Variants in NRG3 observed in about 807,000 individuals in gnomAD.
NRG3 encodes neuregulin 3, also known as pro-neuregulin-3, membrane-bound isoform.
NRG3 carries 31 observed loss-of-function variants against 66.9 expected under a neutral mutation model. The ratio of observed to expected loss-of-function variants is 0.46; its 90% CI spans 0.35 to 0.63. NRG3 has a LOEUF of 0.63. Among genes scored for constraint, NRG3 ranks in the 20% least tolerant of loss-of-function variants. The pLI, the probability that NRG3 is intolerant of heterozygous loss-of-function variation, is 0.00. For synonymous variants in NRG3, 393 were observed against 359.4 expected (o/e 1.09, Z -1.06); for missense variants, 910 against 878.9 (o/e 1.04, Z -0.45).
intron 2 of NRG3, among the ~76,000 whole-genome samples, chr10:82,519,972 G>T (rs1846040336): frequency 6.6e-6 from 1 of 151,996 alleles, no homozygotes; most frequent in Non-Finnish European, 1.5e-5. Flanking sequence ...CAGAAATTTT[G>T]GAAGAAAAAT....
chr10:82,588,347 C>T (rs2086480), intron 2 of NRG3, among the ~76,000 whole-genome samples: 39 of 152,214 alleles, frequency 2.6e-4, no homozygotes, highest in Admixed American at 1.3e-3. Context: ...TGGCACCTTA[C>T]GCCTCCTGCC....
chr10:82,631,964 T>C (rs2049873998), intron 2 of NRG3, among the ~76,000 whole-genome samples: 1 of 151,918 alleles, frequency 6.6e-6, no homozygotes, highest in African/African-American at 2.4e-5. Flanking sequence ...TAGCTGAGTG[T>C]GGTGCCAGGT....
At chr10:82,361,255 C>T (rs1474425869) in intron 2 of NRG3, among the ~76,000 whole-genome samples, 2 of 152,098 alleles carry the variant, frequency 1.3e-5, no homozygotes, top group African/African-American at 4.8e-5. Flanking sequence ...CTTCATATTT[C>T]TTGCATATTT....
intron 2 of NRG3, among the ~76,000 whole-genome samples, chr10:82,549,704 A>T (rs1016970578): frequency 6.6e-6 from 1 of 152,106 alleles, no homozygotes; most frequent in Non-Finnish European, 1.5e-5. Context: ...CCCGGAGGGG[A>T]TTCCTCATGC....
Position 82,779,020 on chromosome 10 carries a change from G to C in NRG3, c.1027+40370G>C, listed in dbSNP as rs564481573. On this transcript the variant is annotated intron_variant, in intron 3 of 8. Coordinates refer to ENST00000372141, the MANE Select transcript of NRG3 (RefSeq NM_001010848.4). ...GTGGTGTAATGGTAGTAGAGTCTCA[G>C]GGATGAAAGAATGCAGTGGCTACTT... 5.9e-5 allele frequency among the ~76,000 whole-genome samples: 9 copies of C among 152,226 alleles called. No homozygotes were observed. In the South Asian group the frequency reaches 1.7e-3, roughly 28 times the overall value.
chr10:82,693,740 G>GT (rs2055135454), intron 2 of NRG3, among the ~76,000 whole-genome samples: 1 of 152,120 alleles, frequency 6.6e-6, no homozygotes, highest in African/African-American at 2.4e-5. Context: ...GTTCCTTCTG[G>GT]TGGGTTCACT....
At chr10:82,730,812 A>T (rs2057862895) in intron 2 of NRG3, among the ~76,000 whole-genome samples, 1 of 152,152 alleles carries the variant, frequency 6.6e-6, no homozygotes, top group Non-Finnish European at 1.5e-5. Context: ...TGGCTGGGGA[A>T]AGGAATGCGT....
chr10:81,919,882 C>T (rs930846738), intron 1 of NRG3, among the ~76,000 whole-genome samples: 3 of 152,208 alleles, frequency 2.0e-5, no homozygotes, highest in Admixed American at 1.3e-4. Flanking sequence ...GGAAACCTGC[C>T]GTCAATTGTG....
intron 8 of NRG3, among the ~76,000 whole-genome samples, chr10:82,979,360 G>A (rs1852612036): frequency 6.6e-6 from 1 of 152,140 alleles, no homozygotes; most frequent in African/African-American, 2.4e-5. Context: ...AGTAAGTGTA[G>A]CTCTCTAGGC....
chr10:82,363,623 T>C (rs964203438), intron 2 of NRG3, among the ~76,000 whole-genome samples: 1 of 151,974 alleles, frequency 6.6e-6, no homozygotes, highest in Non-Finnish European at 1.5e-5. Flanking sequence ...ACCTGGCTGA[T>C]TTTTTGTAGT....
rs1225599216 is a variant in NRG3 at position 82,631,609 on chromosome 10, C to A, written c.954-106968C>A. 5.4e-5 allele frequency among the ~76,000 whole-genome samples: 7 copies of A among 130,092 alleles called. No individual in the cohort carries two copies. In the East Asian group the frequency reaches 1.7e-3, roughly 32 times the overall value. 85.3% of individuals were successfully genotyped at this position (130,092 alleles called of 152,430 possible). ...CGTGGTTTTTTTTTTTTTTTTCAGT[C>A]TTTGTAATAGCTAACGCTGACCTCC... On this transcript the variant is annotated intron_variant, in intron 2 of 8. Coordinates refer to ENST00000372141, the MANE Select transcript of NRG3 (RefSeq NM_001010848.4).
intron 1 of NRG3, among the ~76,000 whole-genome samples, chr10:81,941,572 A>G (rs1049460309): frequency 6.6e-6 from 1 of 152,146 alleles, no homozygotes; most frequent in African/African-American, 2.4e-5. Flanking sequence ...AGGCTAAGAG[A>G]TCGTTTTAAA....
intron 2 of NRG3, among the ~76,000 whole-genome samples, chr10:82,379,506 A>T (rs915933836): frequency 6.6e-6 from 1 of 152,198 alleles, no homozygotes; most frequent in Admixed American, 6.5e-5. Flanking sequence ...AATGGGTGCG[A>T]TAATAACAAT....
intron 1 of NRG3, among the ~76,000 whole-genome samples, chr10:81,995,823 T>G (rs1477496424): frequency 6.6e-6 from 1 of 152,226 alleles, no homozygotes; most frequent in African/African-American, 2.4e-5. Context: ...ATCAGTACCT[T>G]TTCTAGATAC....
chr10:82,788,302 G>T (rs531545679), intron 3 of NRG3, among the ~76,000 whole-genome samples: 2 of 152,304 alleles, frequency 1.3e-5, no homozygotes, highest in East Asian at 3.9e-4. Flanking sequence ...CGGAGCTGTG[G>T]CTCATGCCTG....
intron 1 of NRG3, among the ~76,000 whole-genome samples, chr10:81,949,939 A>T (rs1394443440): frequency 1.3e-5 from 2 of 152,148 alleles, no homozygotes; most frequent in Admixed American, 6.6e-5. Flanking sequence ...TTTAAATCAG[A>T]TCCCAGCTAA....
intron 1 of NRG3, among the ~76,000 whole-genome samples, chr10:81,915,491 C>CTTATTTTTTTT (rs764885600): frequency 1.2e-4 from 17 of 140,798 alleles, no homozygotes; most frequent in East Asian, 1.1e-3. Context: ...GCTCACACTT[C>CTTATTTTTTTT]TTTAGTTTTT....
chr10:82,095,620 C>T (rs1207348162), intron 1 of NRG3, among the ~76,000 whole-genome samples: 1 of 152,116 alleles, frequency 6.6e-6, no homozygotes, highest in South Asian at 2.1e-4. Context: ...TCAGTGATAT[C>T]CCAAGCTGAC....
At chr10:82,063,487 A>G (rs927288014) in intron 1 of NRG3, among the ~76,000 whole-genome samples, 1 of 145,268 alleles carries the variant, frequency 6.9e-6, no homozygotes, top group African/African-American at 2.5e-5. Context: ...GACAATCAAT[A>G]TATTTTTTAG....
Sources: allele counts gnomAD v4.1 joint callset (sites outside exome capture counted in the v4.1 genomes callset), GRCh38; gene constraint gnomAD v4.1.1; transcripts MANE v1.5; gene names NCBI Gene and HGNC (gene_info 2026-07-23, HGNC 2026-07-21).